The following ANK1 variants were observed in gnomAD, a reference collection of about 807,000 sequenced individuals.
ANK1 encodes ankyrin 1.
ANK1 carries 51 observed loss-of-function variants against 210.4 expected under a neutral mutation model. The ratio of observed to expected loss-of-function variants is 0.24; its 90% CI spans 0.19 to 0.31. ANK1 has a LOEUF of 0.31. Among genes scored for constraint, ANK1 ranks in the 10% least tolerant of loss-of-function variants. The pLI, the probability that ANK1 is intolerant of heterozygous loss-of-function variation, is 1.00. For missense variants in ANK1, 2,051 were observed against 2,504.4 expected, an observed-to-expected ratio of 0.82 and a Z score of 3.86; for synonymous variants, 967 against 1,025.9, an observed-to-expected ratio of 0.94 and a Z score of 1.10.
chr8:41,828,057 G>A (rs1240591933), intron 1 of ANK1: 3 of 149,014 alleles, frequency 2.0e-5, no homozygotes, highest in African/African-American at 7.5e-5. Flanking sequence ...AACAGACTAA[G>A]ATCATTCAGG....
intron 1 of ANK1, chr8:41,896,298 C>T (rs1820525346): frequency 6.4e-7 from 1 of 1,565,036 alleles, no homozygotes; most frequent in Admixed American, 1.8e-5. Flanking sequence ...ACCCCTGCCC[C>T]CAGCAGCCAC....
chr8:41,848,397 A>G (rs1252301237), intron 1 of ANK1, among the ~76,000 whole-genome samples: 1 of 152,154 alleles, frequency 6.6e-6, no homozygotes, highest in East Asian at 1.9e-4. Flanking sequence ...AAGACCTCAC[A>G]GGGGAAGTGG....
upstream of ANK1, among the ~76,000 whole-genome samples, chr8:41,799,928 G>A (rs774308325): frequency 1.6e-4 from 24 of 152,286 alleles, no homozygotes; most frequent in East Asian, 7.7e-4. Flanking sequence ...AGCTGCCCCC[G>A]TGACAAGGAA....
chr8:41,727,428 G>A, intron 4 of ANK1, 80 bp from the exon 5 acceptor site: 1 of 971,582 alleles, frequency 1.0e-6, no homozygotes. Flanking sequence ...CCTCTCACCT[G>A]GAGGACAGCG....
At position 41,853,755 on chromosome 8, in the gene ANK1, A is replaced by T. The variant is rs539431878; in HGVS notation, c.126+42600T>A. Among the ~76,000 whole-genome samples, 7 of 151,984 alleles carry T rather than the reference A, an allele frequency of 4.6e-5. No homozygotes were observed. The East Asian group carries it at 1.4e-3, about 29-fold the overall frequency. ...TTTTACTTATTTTATTTTATTTTTT[A>T]AATTTAATTTAATTTAATTTTTAGA... On this transcript the variant is annotated intron_variant, in intron 1 of 42. Transcript: ENST00000265709.
At chr8:41,699,013 G>C (rs896052891) in intron 23 of ANK1, among the ~76,000 whole-genome samples, 22 of 152,052 alleles carry the variant, frequency 1.4e-4, no homozygotes, top group African/African-American at 4.8e-4. Flanking sequence ...TGGTCAGGCT[G>C]GTCACGAACT....
chr8:41,680,141 G>A (rs113436146), intron 37 of ANK1, among the ~76,000 whole-genome samples: 13 of 152,230 alleles, frequency 8.5e-5, no homozygotes, highest in African/African-American at 3.1e-4. Context: ...GAATTGCGAT[G>A]AGACTTGAGA....
intron 1 of ANK1, among the ~76,000 whole-genome samples, chr8:41,890,703 C>A (rs1329458795): frequency 1.0e-4 from 13 of 125,424 alleles, no homozygotes; most frequent in Non-Finnish European, 1.7e-4. Flanking sequence ...AGCGAGACTC[C>A]GTCTCAAAAA....
rs375060699 is a variant in ANK1 at position 41,724,498 on chromosome 8, C to T, written c.669G>A (p.Gln223=). The stretch of plus-strand genomic sequence containing the variant: ...CGCTGGCTCCTCTGTTGAGGAGCAA[C>T]TGGGCCACGTTGAGGTTCTCGTAGT... The part of the protein sequence containing the change: ...AAHYENLNVA[Q]LLLNRGASVN... The change falls in exon 7 of 43, where the codon CAG becomes CAA. Residue 223 remains glutamine, a synonymous_variant. Coordinates refer to ENST00000289734, the MANE Select transcript of ANK1 (RefSeq NM_000037.4). 1.1e-4 allele frequency: 181 copies of T among 1,601,262 alleles called. No individual in the cohort carries two copies. Among genetic ancestry groups the T allele is most frequent in the Admixed American group, 3.8e-4 (22 of 58,500 alleles).
intron 38 of ANK1, among the ~76,000 whole-genome samples, chr8:41,671,285 G>A (rs1218890120): frequency 3.3e-5 from 5 of 152,172 alleles, no homozygotes. Flanking sequence ...GGGTAAGTGG[G>A]GAGGGCGCCA....
chr8:41,819,928 A>G (rs1312458762), intron 1 of ANK1, among the ~76,000 whole-genome samples: 2 of 152,246 alleles, frequency 1.3e-5, no homozygotes, highest in Non-Finnish European at 2.9e-5. Context: ...AGAATCATGA[A>G]CTCAGCAGCC....
chr8:41,729,487 C>A (rs991297944), intron 3 of ANK1, among the ~76,000 whole-genome samples: 42 of 152,250 alleles, frequency 2.8e-4, no homozygotes, highest in Middle Eastern at 3.4e-3. Context: ...AACTCCTGGG[C>A]TCAAGCGATC....
intron 1 of ANK1, among the ~76,000 whole-genome samples, chr8:41,883,880 C>T (rs1344554695): frequency 2.0e-5 from 3 of 152,136 alleles, no homozygotes; most frequent in Non-Finnish European, 4.4e-5. Flanking sequence ...GCTCTGTTGT[C>T]GAGGGCAGGT....
rs745317361 is a variant in ANK1, at chr8:41,684,577, G to T, written c.4504C>A (p.Arg1502Ser). Residue 1502 changes from arginine (R) to serine (S), a missense_variant, in exon 37 of 43, where the codon CGC (arginine) becomes AGC (serine). By Grantham distance (110) the Arg-to-Ser change is moderately radical. Coordinates refer to ENST00000289734, the MANE Select transcript of ANK1 (RefSeq NM_000037.4). ...NLKPDRRHTDRDYSLSPSQMN... is the reference protein window; with the variant it reads ...NLKPDRRHTDSDYSLSPSQMN... Reference sequence around the variant, plus strand: ...TGGGAGGGTGACAGCGAGTAGTCGCGGTCGGTGTGCCGCCTGTCTGGCTTC... The same window carrying T: ...TGGGAGGGTGACAGCGAGTAGTCGCTGTCGGTGTGCCGCCTGTCTGGCTTC... 47 of 1,613,690 alleles carry T rather than the reference G, an allele frequency of 2.9e-5. No homozygotes were observed. The highest frequency in any genetic ancestry group is 4.0e-5 in the Non-Finnish European group (47 of 1,180,052).
intron 4 of ANK1, 114 bp downstream of exon 4, chr8:41,727,794 G>GC: frequency 1.0e-6 from 1 of 973,298 alleles, no homozygotes; most frequent in Non-Finnish European, 1.6e-6. Flanking sequence ...TCTAGGCCCT[G>GC]CCCCACAGTA....
intron 1 of ANK1, among the ~76,000 whole-genome samples, chr8:41,865,504 C>G (rs560313376): frequency 4.1e-4 from 63 of 152,282 alleles, no homozygotes; most frequent in Non-Finnish European, 2.9e-4. Context: ...AGATCTGCAT[C>G]TCCAGCCCAG....
intron 2 of ANK1, among the ~76,000 whole-genome samples, chr8:41,740,163 T>C (rs1187279188): frequency 2.4e-3 from 10 of 4,222 alleles, no homozygotes; most frequent in African/African-American, 0.012. Context: ...TTGTTTTTGA[T>C]TTTTTTTTTT....
rs1530326 is a variant in ANK1 at position 41,694,858 on chromosome 8, C to T, written c.3116-55G>A. On this transcript the variant is annotated intron_variant, in intron 27 of 42. Transcript: ENST00000289734. This position sits in a 1 kb window ranked among gnomAD's most constrained non-coding sequence, Gnocchi z 5.7. Reference sequence around the variant, plus strand: ...GGTCACATCAGGCACAGGTTCAGGACTTCCAGGGGCCCCAGAGTCTCCTTG... The same window carrying T: ...GGTCACATCAGGCACAGGTTCAGGATTTCCAGGGGCCCCAGAGTCTCCTTG... 2.1e-5 allele frequency: 33 copies of T among 1,574,576 alleles called. No homozygotes were observed. In the African/African-American group the frequency reaches 4.0e-4, roughly 19 times the overall value.
chr8:41,663,104 C>CTG (rs1809068622), intron 40 of ANK1, among the ~76,000 whole-genome samples: 1 of 123,476 alleles, frequency 8.1e-6, no homozygotes, highest in East Asian at 2.2e-4. Flanking sequence ...GTGTGTCTCT[C>CTG]TCTCTCTCTC....
Sources: allele counts gnomAD v4.1 joint callset (sites outside exome capture counted in the v4.1 genomes callset), GRCh38; gene constraint gnomAD v4.1.1; non-coding constraint Gnocchi (gnomAD v3.1); transcripts MANE v1.5; gene names NCBI Gene and HGNC (gene_info 2026-07-23, HGNC 2026-07-21).